NHSL2: variants seen among roughly 807,000 people sequenced by gnomAD.
NHSL2 encodes the protein NHS like 2, also known as NHS-like protein 2.
Under a neutral mutation model 53.4 loss-of-function variants are expected in NHSL2, and 27 were observed. The observed-to-expected ratio is 0.51, with a 90% confidence interval of 0.37 to 0.70. The LOEUF (loss-of-function observed/expected upper bound fraction) is 0.70, where lower values mean the gene tolerates loss of function less well. Ranked by LOEUF, NHSL2 falls within the 30% of genes least tolerant of loss-of-function variation. NHSL2 has a pLI of 0.00. For synonymous variants in NHSL2, 408 were observed against 404.1 expected (o/e 1.01, Z -0.12); for missense variants, 892 against 980.1 (o/e 0.91, Z 1.20).
rs190895075 is a variant in NHSL2, at chrX:71,920,965, C to T, written c.280+9598C>T. 4.7e-3 allele frequency among the ~76,000 whole-genome samples: 507 copies of T among 108,585 alleles called. 2 individuals are homozygous for T. The highest frequency in any genetic ancestry group is 0.016 in the African/African-American group (493 of 30,034). 94.3% of individuals were successfully genotyped at this position (108,585 alleles called of 115,157 possible). On this transcript the variant is annotated intron_variant, in intron 1 of 7. Transcript: ENST00000633930. ...GATTACAGGTACCCGCCACCATGCC[C>T]GGCTAATTTTTGTATTTTTAGTAGA...
intron 1 of NHSL2, among the ~76,000 whole-genome samples, chrX:72,056,596 G>T (rs1602336366): frequency 9.0e-6 from 1 of 111,165 alleles, no homozygotes; most frequent in South Asian, 3.8e-4. Flanking sequence ...ACACAGACTG[G>T]CATGTCCATG....
chrX:72,002,041 T>G (rs2042074748), intron 1 of NHSL2, among the ~76,000 whole-genome samples: 1 of 112,858 alleles, frequency 8.9e-6, no homozygotes, highest in Non-Finnish European at 1.9e-5. Context: ...ATGTAGCAAT[T>G]AGTAATCTTT....
At chrX:72,118,113 CT>C (rs2042154692) in intron 1 of NHSL2, among the ~76,000 whole-genome samples, 1 of 111,413 alleles carries the variant, frequency 9.0e-6, no homozygotes, top group Non-Finnish European at 1.9e-5. Context: ...AAGGGTACCA[CT>C]TCCTCCACAT....
intron 1 of NHSL2, among the ~76,000 whole-genome samples, chrX:71,936,071 G>T (rs1339528409): frequency 8.9e-6 from 1 of 112,219 alleles, no homozygotes; most frequent in East Asian, 2.8e-4. Context: ...TGTGAGATAG[G>T]CATCATAAGC....
intron 1 of NHSL2, among the ~76,000 whole-genome samples, chrX:72,008,430 G>A (rs1311524785): frequency 8.9e-6 from 1 of 112,161 alleles, no homozygotes; most frequent in Non-Finnish European, 1.9e-5. Flanking sequence ...AAGGGGTTTA[G>A]AGCAGGGGAC....
intron 1 of NHSL2, among the ~76,000 whole-genome samples, chrX:71,961,502 T>C (rs1313856011): frequency 9.5e-6 from 1 of 105,010 alleles, no homozygotes; most frequent in Non-Finnish European, 2.0e-5. Context: ...TATTTTTGCC[T>C]GAATGCTCTG....
intron 1 of NHSL2, among the ~76,000 whole-genome samples, chrX:71,944,525 A>G (rs151242682): frequency 0.055 from 6,128 of 111,727 alleles, 423 homozygotes; most frequent in African/African-American, 0.19. Flanking sequence ...AGCTGGTCAT[A>G]TGGGCTTTCT....
At chrX:72,102,764 A>T (rs2042005693) in intron 1 of NHSL2, among the ~76,000 whole-genome samples, 3 of 112,620 alleles carry the variant, frequency 2.7e-5, no homozygotes, top group Admixed American at 1.9e-4. Context: ...TCAAACTAAC[A>T]GAAGAAGCCA....
At position 72,138,950 on chromosome X, in the gene NHSL2, C is replaced by T. The variant is rs756530360; in HGVS notation, c.1402C>T (p.Pro468Ser). 8 of 1,202,717 alleles carry T rather than the reference C, an allele frequency of 6.7e-6. No individual in the cohort carries two copies. The African/African-American group carries it at 1.2e-4, about 18-fold the overall frequency. Residue 468 changes from proline to serine, a missense_variant, in exon 6 of 8, where the codon CCC becomes TCC. Transcript: ENST00000633930. ...PERLIQQRHM[P>S]ERPSKIGLLT... ...GCGCCTTATTCAGCAAAGGCACATGCCCGAAAGACCCTCCAAGATTGGCCT... is the reference window on the plus strand; with the variant it reads ...GCGCCTTATTCAGCAAAGGCACATGTCCGAAAGACCCTCCAAGATTGGCCT...
intron 1 of NHSL2, among the ~76,000 whole-genome samples, chrX:71,968,097 A>G (rs1317893951): frequency 9.2e-6 from 1 of 109,222 alleles, no homozygotes; most frequent in African/African-American, 3.3e-5. Context: ...CTTGGGCTCA[A>G]GCAATGTTCC....
chrX:72,031,748 A>C (rs1434903764), intron 1 of NHSL2, among the ~76,000 whole-genome samples: 2 of 111,281 alleles, frequency 1.8e-5, no homozygotes, highest in South Asian at 3.8e-4. Context: ...AAAAAAAAAA[A>C]AAAAAACCAG....
chrX:72,001,167 G>A (rs1438735782), intron 1 of NHSL2, among the ~76,000 whole-genome samples: 3 of 111,992 alleles, frequency 2.7e-5, no homozygotes, highest in African/African-American at 6.5e-5. Flanking sequence ...GCTTTTAATC[G>A]TGGACATATA....
chrX:72,110,439 T>G (rs1402490471), intron 1 of NHSL2, among the ~76,000 whole-genome samples: 2 of 110,886 alleles, frequency 1.8e-5, no homozygotes, highest in Non-Finnish European at 3.8e-5. Flanking sequence ...AGGTACTCAG[T>G]CGTGTTTCTT....
intron 1 of NHSL2, among the ~76,000 whole-genome samples, chrX:71,956,784 C>T (rs973871400): frequency 1.8e-5 from 2 of 111,283 alleles, no homozygotes; most frequent in African/African-American, 6.5e-5. Context: ...AGCAGTGACT[C>T]CTAATCTAAT....
intron 1 of NHSL2, among the ~76,000 whole-genome samples, chrX:72,023,683 T>A (rs1279334704): frequency 9.0e-6 from 1 of 110,607 alleles, no homozygotes; most frequent in Non-Finnish European, 1.9e-5. Flanking sequence ...GGATGTGGAG[T>A]GGGGTGGTGA....
intron 1 of NHSL2, among the ~76,000 whole-genome samples, chrX:72,125,184 T>G (rs941453834): frequency 4.4e-5 from 5 of 112,566 alleles, no homozygotes; most frequent in Middle Eastern, 4.6e-3. Context: ...TTTCTGAACC[T>G]GACTGCAGGA....
chrX:72,085,485 T>C (rs958481573), intron 1 of NHSL2, among the ~76,000 whole-genome samples: 1 of 111,728 alleles, frequency 9.0e-6, no homozygotes, highest in African/African-American at 3.3e-5. Context: ...ATTCATCCAT[T>C]GCACTCATCT....
At chrX:71,989,652 C>T (rs926367685) in intron 1 of NHSL2, among the ~76,000 whole-genome samples, 1 of 111,548 alleles carries the variant, frequency 9.0e-6, no homozygotes, top group African/African-American at 3.3e-5. Flanking sequence ...TTTTCTGTAG[C>T]GAAGGCTTGG....
intron 1 of NHSL2, among the ~76,000 whole-genome samples, chrX:72,076,475 G>A (rs1239249013): frequency 9.0e-6 from 1 of 111,470 alleles, no homozygotes; most frequent in African/African-American, 3.3e-5. Context: ...AGGGGCAACA[G>A]TCCAGTTTCT....
Sources: gnomAD v4.1 joint callset for allele counts (sites outside exome capture counted in the v4.1 genomes callset) on GRCh38, gnomAD v4.1.1 for gene constraint, MANE v1.5 for transcripts, NCBI Gene and HGNC (gene_info 2026-07-23, HGNC 2026-07-21) for gene names.